The following ZMIZ2 variants were observed in gnomAD, a reference collection of about 807,000 sequenced individuals.
ZMIZ2 encodes zinc finger MIZ-type containing 2, also known as zinc finger MIZ domain-containing protein 2.
Under a neutral mutation model 93.9 loss-of-function variants are expected in ZMIZ2, and 26 were observed. The observed-to-expected ratio is 0.28, with a 90% CI of 0.20 to 0.38. The LOEUF (loss-of-function observed/expected upper bound fraction) is 0.38, where lower values mean the gene tolerates loss of function less well. ZMIZ2 is among the 10% of genes least tolerant of loss of function. The probability of loss-of-function intolerance (pLI) is 1.00; values close to 1 mark genes in which losing one functional copy is unlikely to be tolerated. For synonymous variants in ZMIZ2, 485 were observed against 516.4 expected, an observed-to-expected ratio of 0.94 and a Z score of 0.82; for missense variants, 1,023 against 1,235.0, an observed-to-expected ratio of 0.83 and a Z score of 2.57.
In ZMIZ2 at chr7:44,764,466, T is replaced by A; in HGVS notation, c.1908T>A (p.Thr636=). ...SYLQLNCERG[T]WRCPVCNKTA... is the part of the protein sequence containing the mutation. ...TGCAGCTCAACTGTGAGCGGGGGAC[T>A]TGGAGGTGTCCTGTGTGCAAGTGAG... Residue 636 remains threonine, a synonymous_variant, in exon 14 of 19, where the codon ACT becomes ACA. Transcript: ENST00000309315. 3 of 1,614,174 alleles carry A rather than the reference T, an allele frequency of 1.9e-6. No homozygotes were observed. In the Admixed American group the frequency reaches 5.0e-5, roughly 27 times the overall value.
intron 1 of ZMIZ2, among the ~76,000 whole-genome samples, chr7:44,754,120 A>G (rs1393511530): frequency 6.6e-6 from 1 of 152,190 alleles, no homozygotes; most frequent in Non-Finnish European, 1.5e-5. Context: ...TCAAGGCCCC[A>G]CCCAGCAGTT....
intron 2 of ZMIZ2, 30 bp downstream of exon 2, chr7:44,756,329 A>G (rs999684330): frequency 3.1e-6 from 5 of 1,613,784 alleles, no homozygotes; most frequent in Non-Finnish European, 4.2e-6. Flanking sequence ...CCCACCCCTC[A>G]GGCCCTGGGG....
chr7:44,751,537 C>T (rs1208151557), intron 1 of ZMIZ2, among the ~76,000 whole-genome samples: 1 of 152,270 alleles, frequency 6.6e-6, no homozygotes, highest in Non-Finnish European at 1.5e-5. Context: ...GATTCCCTCT[C>T]TGTTCTTGGG....
chr7:44,756,575 A>G (rs772054359), intron 3 of ZMIZ2, 36 bp downstream of exon 3: 1 of 1,606,972 alleles, frequency 6.2e-7, no homozygotes, highest in Non-Finnish European at 8.5e-7. Flanking sequence ...CCGAGCAGAC[A>G]GAGCCTCCCA....
chr7:44,752,894 A>G (rs1474656850), intron 1 of ZMIZ2, among the ~76,000 whole-genome samples: 2 of 152,252 alleles, frequency 1.3e-5, no homozygotes, highest in Non-Finnish European at 2.9e-5. Flanking sequence ...GCTGGGTCAT[A>G]GTAGGGTAGC....
Position 44,763,115 on chromosome 7 carries a change from G to GT in ZMIZ2, c.1702+130dup. 7.0e-7 allele frequency: 1 copy of GT among 1,437,994 alleles called. No homozygotes were observed. Among genetic ancestry groups the GT allele is most frequent in the Non-Finnish European group, 9.6e-7 (1 of 1,046,910 alleles). The allele number at this position is 1,437,994 out of a possible 1,614,324, so 89.1% of individuals were successfully genotyped here. A position where few individuals can be genotyped will look rare whatever the true frequency, so the allele number is the denominator to read the frequency against. On this transcript the variant is annotated intron_variant, in intron 12 of 18. Coordinates refer to ENST00000309315, the MANE Select transcript of ZMIZ2 (RefSeq NM_031449.4). This position sits in a 1 kb window ranked among gnomAD's most constrained non-coding sequence, Gnocchi z 5.6. ...TTCTCCTTGGACAGGTGGCTCTGCA[G>GT]TAGGGGCAGTGGTTAGTTCCAGGTG...
intron 1 of ZMIZ2, among the ~76,000 whole-genome samples, chr7:44,752,479 C>G (rs1204212571): frequency 1.3e-5 from 2 of 152,132 alleles, no homozygotes; most frequent in African/African-American, 4.8e-5. Flanking sequence ...CTTCCTCCTG[C>G]CAAAATTACA....
In ZMIZ2 at chr7:44,764,992, C is replaced by T. The variant is rs1430207344; in HGVS notation, c.1980C>T (p.Ile660=). Residue 660 remains isoleucine (I), a synonymous_variant, in exon 15 of 19, where the codon ATC becomes ATT. Transcript: ENST00000309315. ...AGGTGGACCAGTACATGCTGGGCAT[C>T]CTGATTTACATTCAGAAGTAAGCAT... The part of the protein sequence containing the change: ...GLEVDQYMLG[I]LIYIQNSDYE... 6.2e-7 allele frequency: 1 copy of T among 1,614,186 alleles called. No individual in the cohort carries two copies. The highest frequency in any genetic ancestry group is 1.3e-5 in the African/African-American group (1 of 75,048).
In ZMIZ2 at chr7:44,760,263, C is replaced by A. The variant is rs376474750; in HGVS notation, c.1071+35C>A. ...CTGGCCGGGAGGATGGGCCGGGAGG[C>A]TCACAGGGTGGGCATATGGAGAGAG... On this transcript the variant is annotated intron_variant, in intron 8 of 18. Coordinates refer to ENST00000309315, the MANE Select transcript of ZMIZ2 (RefSeq NM_031449.4). The A allele has an allele frequency of 1.9e-5, 30 of 1,597,868 alleles. No homozygotes were observed. In the African/African-American group the frequency reaches 3.5e-4, roughly 19 times the overall value.
chr7:44,757,710 G>C (rs574570789), intron 5 of ZMIZ2, 138 bp from the exon 6 acceptor site: 743 of 1,445,092 alleles, frequency 5.1e-4, no homozygotes, highest in Middle Eastern at 1.0e-3. Context: ...GAAGGAGTGA[G>C]GGTCTGAGGG....
chr7:44,759,962 C>A, intron 7 of ZMIZ2, 189 bp from the exon 8 acceptor site: 1 of 657,464 alleles, frequency 1.5e-6, no homozygotes, highest in Non-Finnish European at 2.6e-6. Flanking sequence ...GTCTTTTCAG[C>A]CCCTCCAACC....
intron 1 of ZMIZ2, among the ~76,000 whole-genome samples, chr7:44,751,602 A>C (rs1790151393): frequency 6.6e-6 from 1 of 152,264 alleles, no homozygotes; most frequent in Non-Finnish European, 1.5e-5. Context: ...AGATTGTCAC[A>C]GCAGTTCTGC....
rs887228633 is a variant in ZMIZ2, at chr7:44,761,104, C to T, written c.1241-345C>T. On this transcript the variant is annotated intron_variant, in intron 9 of 18. Transcript: ENST00000309315. The surrounding 1 kb of genome is among the most constrained non-coding windows in gnomAD (Gnocchi z 5.8). ...AGCTATAGGGCAATTGCAGGAGGCT[C>T]TCACACACCTTGGCCTCCCAGTCTC... Among the ~76,000 whole-genome samples, 18 of 152,216 alleles carry T rather than the reference C, an allele frequency of 1.2e-4. No homozygotes were observed. The highest frequency in any genetic ancestry group is 2.0e-4 in the Admixed American group (3 of 15,282).
chr7:44,760,128 G>A, intron 7 of ZMIZ2, 23 bp from the exon 8 acceptor site: 2 of 1,613,840 alleles, frequency 1.2e-6, no homozygotes, highest in Non-Finnish European at 1.7e-6. Flanking sequence ...AGCCCCAGGT[G>A]CATGCAGTTT....
At position 44,765,025 on chromosome 7, in the gene ZMIZ2, CTGTG is replaced by C; in HGVS notation, c.1997+17_1997+20del. The C allele has an allele frequency of 6.2e-7, 1 of 1,614,080 alleles. No homozygotes were observed. Among genetic ancestry groups the C allele is most frequent in the Non-Finnish European group, 8.5e-7 (1 of 1,179,960 alleles). On this transcript the variant is annotated intron_variant, in intron 15 of 18. Transcript: ENST00000309315. The surrounding 1 kb of genome is among the most constrained non-coding windows in gnomAD (Gnocchi z 4.1). ...ACATTCAGAAGTAAGCATCCTCTTC[CTGTG>C]ATCCCTGCATCTGTGGCCACTGGAG...
Position 44,762,078 on chromosome 7 carries a change from C to T in ZMIZ2, c.1596+173C>T, listed in dbSNP as rs557398613. Among the ~76,000 whole-genome samples the T allele has an allele frequency of 9.3e-4, 141 of 152,310 alleles. 4 individuals carry two copies. The South Asian group carries it at 0.028, about 30-fold the overall frequency. On this transcript the variant is annotated intron_variant, in intron 11 of 18. Coordinates refer to ENST00000309315, the MANE Select transcript of ZMIZ2 (RefSeq NM_031449.4). ...GGCCTGCAGCACCATCAGATCATGC[C>T]GCCGTCTGCTGTTTTGCTGTCCACC... is the stretch of plus-strand genomic sequence containing the variant.
rs1399389360 is a variant in ZMIZ2 at position 44,756,283 on chromosome 7, C to T, written c.34C>T (p.Pro12Ser). Residue 12 changes from proline to serine, a missense_variant, in exon 2 of 19, where the codon CCC becomes TCC. Physicochemically the swap from Pro to Ser is moderately conservative, Grantham distance 74. Transcript: ENST00000309315. The stretch of plus-strand genomic sequence containing the variant: ...CATGAACCCCATGAAACCTGCCCTG[C>T]CCCCTGCGCCACACGGGTGAGTGTG... Reference protein sequence around the residue: ...NSMNPMKPALPPAPHGDGSFA... With the variant: ...NSMNPMKPALSPAPHGDGSFA... 2 of 1,613,930 alleles carry T rather than the reference C, an allele frequency of 1.2e-6. No homozygotes were observed. Among genetic ancestry groups the T allele is most frequent in the East Asian group, 2.2e-5 (1 of 44,890 alleles).
chr7:44,760,417 C>T lies in ZMIZ2; in HGVS notation c.1072-8C>T, dbSNP rs1323086632. 2 of 1,613,566 alleles carry T rather than the reference C, an allele frequency of 1.2e-6. No individual in the cohort carries two copies. Among genetic ancestry groups the T allele is most frequent in the African/African-American group, 1.3e-5 (1 of 75,024 alleles). On this transcript the variant is annotated splice_polypyrimidine_tract_variant and splice_region_variant and intron_variant, in intron 8 of 18. Transcript: ENST00000309315. The stretch of plus-strand genomic sequence containing the variant: ...ATCTGCCTTGACTGTTTGTGCTCAA[C>T]CCTACAGCCTACCCGTTCCATCCCG...
chr7:44,761,375 G>A lies in ZMIZ2; in HGVS notation c.1241-74G>A, dbSNP rs1791159233. 6 of 1,555,662 alleles carry A rather than the reference G, an allele frequency of 3.9e-6. No individual in the cohort carries two copies. Among genetic ancestry groups the A allele is most frequent in the Admixed American group, 3.7e-5 (2 of 54,732 alleles). On this transcript the variant is annotated intron_variant, in intron 9 of 18. Coordinates refer to ENST00000309315, the MANE Select transcript of ZMIZ2 (RefSeq NM_031449.4). This position sits in a 1 kb window ranked among gnomAD's most constrained non-coding sequence, Gnocchi z 5.8. ...CTGCGGGGAAGGTGGCTGGGGAGCC[G>A]CTGCCCTCCTTGAGTGACACAAGAC...
Sources: allele counts gnomAD v4.1 joint callset (sites outside exome capture counted in the v4.1 genomes callset), GRCh38; gene constraint gnomAD v4.1.1; non-coding constraint Gnocchi (gnomAD v3.1); transcripts MANE v1.5; gene names NCBI Gene and HGNC (gene_info 2026-07-23, HGNC 2026-07-21).